Variants in GABRG1 observed in about 807,000 individuals in gnomAD.
GABRG1 encodes the protein gamma-aminobutyric acid receptor subunit gamma-1.
Under a neutral mutation model 49.8 loss-of-function variants are expected in GABRG1, and 49 were observed. The ratio of observed to expected loss-of-function variants is 0.98; its 90% CI spans 0.78 to 1.25. The LOEUF (loss-of-function observed/expected upper bound fraction) is 1.25, where lower values mean the gene tolerates loss of function less well. GABRG1 is among the 50% of genes most tolerant of loss of function. GABRG1 has a pLI of 0.00. For synonymous variants in GABRG1, 232 were observed against 185.1 expected (o/e 1.25, Z -2.06); for missense variants, 552 against 552.3 (o/e 1.00, Z 0.01).
At chr4:46,062,366 T>G (rs1270350000) in intron 5 of GABRG1, among the ~76,000 whole-genome samples, 1 of 152,044 alleles carries the variant, frequency 6.6e-6, no homozygotes, top group Non-Finnish European at 1.5e-5. Context: ...AGCAGCATGA[T>G]CTATAGTCCT....
In GABRG1 at chr4:46,064,530, AG is replaced by A; in HGVS notation, c.543-8del. On this transcript the variant is annotated splice_region_variant and splice_polypyrimidine_tract_variant and intron_variant, in intron 4 of 8. Coordinates refer to ENST00000295452, the MANE Select transcript of GABRG1 (RefSeq NM_173536.4). ...TTCTGCATTAATTGTCAATCTATTT[AG>A]ATGGAAAGAAAAGTATTAAATAAAG... 7.2e-7 allele frequency: 1 copy of A among 1,388,940 alleles called. No homozygotes were observed. Among genetic ancestry groups the A allele is most frequent in the South Asian group, 1.4e-5 (1 of 69,640 alleles). The allele number at this position is 1,388,940 out of a possible 1,614,324, so 86.0% of individuals were successfully genotyped here.
chr4:46,099,092 G>C (rs530402434), intron 1 of GABRG1, among the ~76,000 whole-genome samples: 6 of 151,554 alleles, frequency 4.0e-5, no homozygotes, highest in Non-Finnish European at 7.4e-5. Flanking sequence ...ATTAATAACA[G>C]TGTATTATTA....
intron 8 of GABRG1, among the ~76,000 whole-genome samples, chr4:46,046,132 G>A (rs68024488): frequency 6.6e-6 from 1 of 151,966 alleles, no homozygotes; most frequent in African/African-American, 2.4e-5. Context: ...GTTTATTTAT[G>A]AATTGTTCTA....
rs2109402775 is a variant in GABRG1 at position 46,058,357 on chromosome 4, A to G, written c.776T>C (p.Ile259Thr). ...GCTCAGGTCAAAAAAAATTGTCATGATAACATAATCCCCTGTAAGAAAAAA... is the reference window on the plus strand; with the variant it reads ...GCTCAGGTCAAAAAAAATTGTCATGGTAACATAATCCCCTGTAAGAAAAAA... ...ITHTISGDYVIMTIFFDLSRR... is the reference protein window; with the variant it reads ...ITHTISGDYVTMTIFFDLSRR... The change falls in exon 7 of 9, where the codon ATC becomes ACC. Residue 259 changes from isoleucine (I) to threonine (T), a missense_variant. Physicochemically the swap from Ile to Thr is moderately conservative, Grantham distance 89. Transcript: ENST00000295452. 1 of 1,611,136 alleles carries G rather than the reference A, an allele frequency of 6.2e-7. No homozygotes were observed. The highest frequency in any genetic ancestry group is 8.5e-7 in the Non-Finnish European group (1 of 1,178,836).
chr4:46,114,346 T>TA, intron 1 of GABRG1, among the ~76,000 whole-genome samples: 1 of 151,160 alleles, frequency 6.6e-6, no homozygotes, highest in South Asian at 2.1e-4. Flanking sequence ...ACCTATCACT[T>TA]AACATACATA....
At chr4:46,056,844 G>A (rs1425866987) in intron 7 of GABRG1, among the ~76,000 whole-genome samples, 1 of 152,010 alleles carries the variant, frequency 6.6e-6, no homozygotes, top group East Asian at 1.9e-4. Context: ...TATTTGTCAA[G>A]TTACATCTGG....
At chr4:46,119,474 CCT>C (rs1199390790) in intron 1 of GABRG1, among the ~76,000 whole-genome samples, 2 of 151,452 alleles carry the variant, frequency 1.3e-5, no homozygotes, top group African/African-American at 2.4e-5. Flanking sequence ...ATGTTTTTCC[CCT>C]GTTTTTCCAT....
At chr4:46,043,427 A>G (rs1193658107) in intron 8 of GABRG1, among the ~76,000 whole-genome samples, 2 of 152,106 alleles carry the variant, frequency 1.3e-5, no homozygotes, top group African/African-American at 4.8e-5. Context: ...ATCAGTGAAC[A>G]ATGAAAGTAA....
chr4:46,084,360 T>C (rs575950306), intron 2 of GABRG1, among the ~76,000 whole-genome samples: 1 of 151,812 alleles, frequency 6.6e-6, no homozygotes, highest in South Asian at 2.1e-4. Flanking sequence ...TTTTCAAACT[T>C]CATCTGTTTT....
At chr4:46,056,915 G>A (rs1389722165) in intron 7 of GABRG1, among the ~76,000 whole-genome samples, 1 of 152,008 alleles carries the variant, frequency 6.6e-6, no homozygotes, top group East Asian at 1.9e-4. Flanking sequence ...ATGCAAAAAC[G>A]ACTTCACAGT....
intron 1 of GABRG1, among the ~76,000 whole-genome samples, chr4:46,108,769 A>G (rs1186802528): frequency 6.6e-6 from 1 of 151,050 alleles, no homozygotes; most frequent in Non-Finnish European, 1.5e-5. Context: ...TTATAAGTGA[A>G]GATCACTCAG....
At chr4:46,111,333 C>G (rs895415414) in intron 1 of GABRG1, among the ~76,000 whole-genome samples, 1 of 150,980 alleles carries the variant, frequency 6.6e-6, no homozygotes, top group Non-Finnish European at 1.5e-5. Flanking sequence ...ACTGCTAAAA[C>G]AATTCAAAGG....
chr4:46,117,809 C>CAT lies in GABRG1; in HGVS notation c.104+5999_104+6000dup, dbSNP rs1256970619. Among the ~76,000 whole-genome samples the CAT allele has an allele frequency of 2.3e-3, 276 of 121,568 alleles. 3 individuals carry two copies. Among genetic ancestry groups the CAT allele is most frequent in the African/African-American group, 9.7e-3 (265 of 27,448 alleles). The allele number at this position is 121,568 out of a possible 152,430, so 79.8% of individuals were successfully genotyped here. A position where few individuals can be genotyped will look rare whatever the true frequency, so the allele number is the denominator to read the frequency against. Reference sequence around the variant, plus strand: ...GTATATACATATATACATATGTATACATGTGTATCTATATACATATATACA... The same window carrying CAT: ...GTATATACATATATACATATGTATACATATGTGTATCTATATACATATATACA... On this transcript the variant is annotated intron_variant, in intron 1 of 8. Transcript: ENST00000295452.
intron 3 of GABRG1, among the ~76,000 whole-genome samples, chr4:46,068,091 C>T (rs1046810730): frequency 6.6e-5 from 10 of 152,082 alleles, no homozygotes; most frequent in South Asian, 2.1e-4. Context: ...ATGTAACCTA[C>T]GCTAATGACA....
chr4:46,042,835 G>A (rs1219702053), intron 8 of GABRG1, among the ~76,000 whole-genome samples: 3 of 151,914 alleles, frequency 2.0e-5, no homozygotes, highest in Admixed American at 2.0e-4. Context: ...TGTGCACCTT[G>A]AGGATAAGGA....
chr4:46,044,606 G>A (rs2109392923), intron 8 of GABRG1, among the ~76,000 whole-genome samples: 1 of 152,192 alleles, frequency 6.6e-6, no homozygotes, highest in South Asian at 2.1e-4. Flanking sequence ...GGATAAAGCA[G>A]ACCAAAAGAA....
chr4:46,123,922 C>CT lies in GABRG1; in HGVS notation c.-10dup. On this transcript the variant is annotated 5_prime_UTR_variant, in exon 1 of 9. Transcript: ENST00000295452. ...GCTTTCAAAGGACCCATCGGAATCGCTTTTTTACGTGTGCTGCACTAGCTC... is the reference window on the plus strand; with the variant it reads ...GCTTTCAAAGGACCCATCGGAATCGCTTTTTTTACGTGTGCTGCACTAGCTC... 4.4e-6 allele frequency: 7 copies of CT among 1,606,926 alleles called. No homozygotes were observed. The highest frequency in any genetic ancestry group is 6.0e-6 in the Non-Finnish European group (7 of 1,173,920).
chr4:46,080,363 T>C (rs1375038287), intron 3 of GABRG1, among the ~76,000 whole-genome samples: 1 of 151,894 alleles, frequency 6.6e-6, no homozygotes, highest in Non-Finnish European at 1.5e-5. Flanking sequence ...AATTTCCCTG[T>C]ATTGTTTAGT....
rs935774488 is a variant in GABRG1, at chr4:46,038,468, T to A, written c.*2520A>T. On this transcript the variant is annotated 3_prime_UTR_variant, in exon 9 of 9. Transcript: ENST00000295452. ...TCTAATTTTGGGGTCTATGTTAGCA[T>A]TAAAAACATTGAAAGCATCCAGGAA... is the stretch of plus-strand genomic sequence containing the variant. The A allele has an allele frequency of 3.3e-5, 5 of 151,572 alleles. No individual in the cohort carries two copies. The highest frequency in any genetic ancestry group is 1.2e-4 in the African/African-American group (5 of 41,402). The allele number at this position is 151,572 out of a possible 1,614,324, so 9.4% of individuals were successfully genotyped here.
Sources: allele counts gnomAD v4.1 joint callset (sites outside exome capture counted in the v4.1 genomes callset), GRCh38; gene constraint gnomAD v4.1.1; transcripts MANE v1.5; gene names NCBI Gene and HGNC (gene_info 2026-07-23, HGNC 2026-07-21).